Variants in BCAT1 observed in about 807,000 individuals in gnomAD.
BCAT1 encodes the protein branched-chain-amino-acid aminotransferase, cytosolic.
A neutral mutation model predicts 52.4 loss-of-function variants in BCAT1; 48 were observed. The observed-to-expected ratio is 0.92, with a 90% CI of 0.73 to 1.16. The LOEUF (loss-of-function observed/expected upper bound fraction) is 1.16, where lower values mean the gene tolerates loss of function less well. Among genes scored for constraint, BCAT1 ranks in the 50% most tolerant of loss-of-function variants. The pLI is 0.00. For synonymous variants in BCAT1, 167 were observed against 161.3 expected (o/e 1.04, Z -0.27); for missense variants, 451 against 457.1 (o/e 0.99, Z 0.12).
At chr12:24,842,948 T>C (rs1941217851) in intron 6 of BCAT1, among the ~76,000 whole-genome samples, 2 of 152,212 alleles carry the variant, frequency 1.3e-5, no homozygotes, top group Admixed American at 6.5e-5. Context: ...GGGAAAATTA[T>C]GGAGTATATT....
intron 5 of BCAT1, among the ~76,000 whole-genome samples, chr12:24,861,137 T>C (rs1565468731): frequency 6.6e-6 from 1 of 152,316 alleles, no homozygotes; most frequent in East Asian, 1.9e-4. Flanking sequence ...TCTAGTCCCA[T>C]TCATTGTTTC....
chr12:24,896,806 C>T (rs1942970652), intron 2 of BCAT1, among the ~76,000 whole-genome samples: 1 of 152,088 alleles, frequency 6.6e-6, no homozygotes, highest in South Asian at 2.1e-4. Flanking sequence ...CTATTCTGGA[C>T]TATTTAGACA....
At chr12:24,853,736 T>C (rs1311756535) in intron 5 of BCAT1, among the ~76,000 whole-genome samples, 1 of 152,132 alleles carries the variant, frequency 6.6e-6, no homozygotes. Context: ...GCCACATAAA[T>C]AATGAGAACA....
In BCAT1 at chr12:24,878,774, G is replaced by A. The variant is rs1942416872; in HGVS notation, c.391-125C>T. 13 of 942,350 alleles carry A rather than the reference G, an allele frequency of 1.4e-5. No homozygotes were observed. The East Asian group carries it at 1.4e-4, about 10-fold the overall frequency. 58.4% of individuals were successfully genotyped at this position (942,350 alleles called of 1,614,324 possible). On this transcript the variant is annotated intron_variant, in intron 4 of 10. Coordinates refer to ENST00000261192, the MANE Select transcript of BCAT1 (RefSeq NM_005504.7). ...ATCCCAACACAAAAAAATAAGAAAT[G>A]TTTGAGGTGATGGATATCCTAATTA...
chr12:24,948,884 G>C (rs776471320), intron 1 of BCAT1, 43 bp downstream of exon 1: 1 of 1,579,988 alleles, frequency 6.3e-7, no homozygotes, highest in Non-Finnish European at 8.6e-7. Flanking sequence ...TTCGATTCAC[G>C]CACACATTTT....
At chr12:24,905,759 A>C (rs922265515) in intron 1 of BCAT1, among the ~76,000 whole-genome samples, 9 of 152,080 alleles carry the variant, frequency 5.9e-5, no homozygotes, top group Non-Finnish European at 2.9e-5. Context: ...GGCAAGAGAA[A>C]CCATTGAAAG....
At chr12:24,911,254 A>T (rs1025146162) in intron 1 of BCAT1, among the ~76,000 whole-genome samples, 6 of 152,084 alleles carry the variant, frequency 3.9e-5, no homozygotes, top group Non-Finnish European at 8.8e-5. Context: ...ACATCTCTTA[A>T]AGCCAATGTC....
chr12:24,844,019 G>A (rs1322981337), intron 6 of BCAT1, among the ~76,000 whole-genome samples: 1 of 152,182 alleles, frequency 6.6e-6, no homozygotes, highest in Non-Finnish European at 1.5e-5. Context: ...CAGAAGCTCT[G>A]ACCAGAGGCA....
chr12:24,843,323 G>A (rs1306368771), intron 6 of BCAT1, among the ~76,000 whole-genome samples: 1 of 144,660 alleles, frequency 6.9e-6, no homozygotes. Context: ...TGAGCATGAG[G>A]CCAGGCGCGG....
intron 8 of BCAT1, 141 bp from the exon 9 acceptor site, chr12:24,833,004 C>G: frequency 1.1e-6 from 1 of 885,670 alleles, no homozygotes; most frequent in Non-Finnish European, 1.7e-6. Context: ...CTGGAAGTGG[C>G]ACACCATCTT....
chr12:24,842,690 C>T (rs532770438), intron 6 of BCAT1, among the ~76,000 whole-genome samples: 8 of 152,142 alleles, frequency 5.3e-5, no homozygotes, highest in South Asian at 2.1e-4. Flanking sequence ...CAAGTGTGAG[C>T]GCTCTTATCT....
chr12:24,818,168 T>C (rs1939956556), intron 10 of BCAT1, 119 bp from the exon 11 acceptor site: 1 of 925,572 alleles, frequency 1.1e-6, no homozygotes, highest in Non-Finnish European at 1.7e-6. Context: ...TTGAACAACA[T>C]TTTCACATTA....
Position 24,842,085 on chromosome 12 carries a change from C to T in BCAT1, c.814G>A (p.Gly272Arg). Residue 272 changes from glycine (G) to arginine (R), a missense_variant, in exon 7 of 11, where the codon GGA (glycine) becomes AGA (arginine). Transcript: ENST00000261192. ...NLFLYWINED[G>R]EEELATPPLD... Reference sequence around the variant, plus strand: ...CAGTGAAATCTGAGTGGATTACCTCCATCTTCATTTATCCAGTAAAGAAAA... The same window carrying T: ...CAGTGAAATCTGAGTGGATTACCTCTATCTTCATTTATCCAGTAAAGAAAA... 6.2e-7 allele frequency: 1 copy of T among 1,613,572 alleles called. No individual in the cohort carries two copies. The highest frequency in any genetic ancestry group is 1.3e-5 in the African/African-American group (1 of 75,018).
intron 7 of BCAT1, among the ~76,000 whole-genome samples, chr12:24,841,825 C>T (rs1941181655): frequency 6.6e-6 from 1 of 152,076 alleles, no homozygotes; most frequent in African/African-American, 2.4e-5. Context: ...AGGAGAATTG[C>T]TTGAACCAGG....
At chr12:24,881,477 G>T in intron 3 of BCAT1, 66 bp from the exon 4 acceptor site, 2 of 1,048,598 alleles carry the variant, frequency 1.9e-6, no homozygotes, top group Non-Finnish European at 1.5e-6. Context: ...TCAAGAGACT[G>T]ACTTTCCTAT....
At chr12:24,929,192 T>C (rs1943642551) in intron 1 of BCAT1, among the ~76,000 whole-genome samples, 1 of 152,246 alleles carries the variant, frequency 6.6e-6, no homozygotes, top group Non-Finnish European at 1.5e-5. Flanking sequence ...TCTCTCTCTA[T>C]AAACAATCCC....
chr12:24,899,186 C>T (rs1474956951), intron 2 of BCAT1, among the ~76,000 whole-genome samples: 3 of 152,146 alleles, frequency 2.0e-5, no homozygotes, highest in Non-Finnish European at 4.4e-5. Context: ...TTGCTAGGCC[C>T]TGCTGCAAAA....
At chr12:24,835,288 C>T (rs1798329933) in intron 8 of BCAT1, among the ~76,000 whole-genome samples, 1 of 152,200 alleles carries the variant, frequency 6.6e-6, no homozygotes, top group Non-Finnish European at 1.5e-5. Context: ...ATTTATAGCA[C>T]ATTTCATCTA....
intron 1 of BCAT1, among the ~76,000 whole-genome samples, chr12:24,911,416 C>T (rs1169415871): frequency 1.3e-5 from 2 of 152,172 alleles, no homozygotes; most frequent in Non-Finnish European, 2.9e-5. Flanking sequence ...GAGCTATGCC[C>T]TCCTCTCCCC....
Sources: gnomAD v4.1 joint callset for allele counts (sites outside exome capture counted in the v4.1 genomes callset) on GRCh38, gnomAD v4.1.1 for gene constraint, MANE v1.5 for transcripts, NCBI Gene and HGNC (gene_info 2026-07-23, HGNC 2026-07-21) for gene names.